PCNX2: variants seen among roughly 807,000 people sequenced by gnomAD.
The protein encoded by PCNX2 is pecanex-like protein 2.
In PCNX2, 168 loss-of-function variants were observed where a neutral mutation model predicts 223.8. The observed-to-expected ratio is 0.75, with a 90% CI of 0.66 to 0.85. The LOEUF (loss-of-function observed/expected upper bound fraction) is 0.85, where lower values mean the gene tolerates loss of function less well. Ranked by LOEUF, PCNX2 falls within the 40% of genes least tolerant of loss-of-function variation. The pLI is 0.00. For missense variants in PCNX2, 2,507 were observed against 2,675.5 expected (o/e 0.94, Z 1.39); for synonymous variants, 1,006 against 1,052.6 (o/e 0.96, Z 0.86).
chr1:233,262,010 A>G (rs376351350), intron 3 of PCNX2, 35 bp downstream of exon 3: 3 of 1,612,068 alleles, frequency 1.9e-6, no homozygotes, highest in African/African-American at 2.7e-5. Flanking sequence ...TCGAAATCAC[A>G]TGAAGAGGGT....
intron 13 of PCNX2, among the ~76,000 whole-genome samples, chr1:233,203,408 T>C (rs908485608): frequency 5.3e-5 from 8 of 152,180 alleles, no homozygotes; most frequent in Admixed American, 4.6e-4. Context: ...ACTTTCACCT[T>C]ATTCCTGGGG....
At chr1:233,112,738 A>T in intron 21 of PCNX2, 1 of 915,220 alleles carries the variant, frequency 1.1e-6, no homozygotes, top group Non-Finnish European at 1.4e-6. Context: ...TCACATATTT[A>T]TTATAGTATA....
intron 19 of PCNX2, among the ~76,000 whole-genome samples, chr1:233,152,704 T>C (rs952029697): frequency 2.6e-5 from 4 of 152,176 alleles, no homozygotes; most frequent in African/African-American, 9.7e-5. Context: ...ATCCAGATTA[T>C]AAAGGGCCAC....
intron 1 of PCNX2, among the ~76,000 whole-genome samples, chr1:233,269,927 T>C (rs1476317449): frequency 2.0e-5 from 3 of 152,212 alleles, no homozygotes; most frequent in Non-Finnish European, 4.4e-5. Flanking sequence ...AACCACAGGT[T>C]CATCCAAAAA....
Position 233,001,987 on chromosome 1 carries a change from A to C in PCNX2, c.4953-306T>G, listed in dbSNP as rs113950304. ...AGAACTGGCCTCACGTGTCCACTCA[A>C]AGTTAGAGTGCTAAAACACAGTTTC... On this transcript the variant is annotated intron_variant, in intron 28 of 33. Transcript: ENST00000258229. This position sits in a 1 kb window ranked among gnomAD's most constrained non-coding sequence, Gnocchi z 4.2. Among the ~76,000 whole-genome samples the C allele has an allele frequency of 5.9e-5, 9 of 152,292 alleles. No homozygotes were observed. The highest frequency in any genetic ancestry group is 1.7e-4 in the African/African-American group (7 of 41,566).
At chr1:233,022,404 A>T (rs1365705917) in intron 26 of PCNX2, among the ~76,000 whole-genome samples, 1 of 152,290 alleles carries the variant, frequency 6.6e-6, no homozygotes, top group Non-Finnish European at 1.5e-5. Flanking sequence ...AAGTTTGCAG[A>T]GCAAGGGGAG....
rs1487794383 is a variant in PCNX2, at chr1:233,232,621, T to C, written c.2358+4224A>G. 3.9e-5 allele frequency among the ~76,000 whole-genome samples: 6 copies of C among 152,354 alleles called. No individual in the cohort carries two copies. The South Asian group carries it at 1.0e-3, about 26-fold the overall frequency. On this transcript the variant is annotated intron_variant, in intron 9 of 33. Transcript: ENST00000258229. ...ATGATGAAAAATAAATGTTACGATA[T>C]TATAATTGATGTCTCCTCTTTTTCA...
At chr1:233,130,747 T>C (rs1676448491) in intron 21 of PCNX2, among the ~76,000 whole-genome samples, 1 of 151,486 alleles carries the variant, frequency 6.6e-6, no homozygotes, top group South Asian at 2.1e-4. Flanking sequence ...CCTCCCAAAG[T>C]TCTGGGATTA....
At chr1:233,035,220 A>C (rs1671412564) in intron 25 of PCNX2, among the ~76,000 whole-genome samples, 2 of 152,212 alleles carry the variant, frequency 1.3e-5, no homozygotes, top group Admixed American at 6.5e-5. Flanking sequence ...AACGCACAAC[A>C]CATTTTCAAG....
At chr1:233,199,393 G>C (rs1436726752) in intron 14 of PCNX2, among the ~76,000 whole-genome samples, 1 of 152,054 alleles carries the variant, frequency 6.6e-6, no homozygotes, top group Non-Finnish European at 1.5e-5. Flanking sequence ...GAAGGAGGGA[G>C]AAGGCAGGAG....
intron 21 of PCNX2, among the ~76,000 whole-genome samples, chr1:233,134,627 TAAG>T (rs1676703082): frequency 6.7e-6 from 1 of 148,474 alleles, no homozygotes; most frequent in Non-Finnish European, 1.5e-5. Flanking sequence ...GGAAGGAAGG[TAAG>T]AAGGGAGGGA....
intron 23 of PCNX2, among the ~76,000 whole-genome samples, chr1:233,082,148 T>C (rs1475649102): frequency 1.3e-5 from 2 of 152,306 alleles, no homozygotes; most frequent in East Asian, 3.9e-4. Flanking sequence ...TTAACTTCCT[T>C]GAGTTTCTTT....
intron 7 of PCNX2, among the ~76,000 whole-genome samples, chr1:233,252,080 G>C (rs1314881581): frequency 6.6e-6 from 1 of 152,218 alleles, no homozygotes; most frequent in African/African-American, 2.4e-5. Flanking sequence ...TGATGAAACT[G>C]ATTAAGTCTG....
At chr1:233,151,044 A>G (rs910826140) in intron 19 of PCNX2, among the ~76,000 whole-genome samples, 1 of 108,352 alleles carries the variant, frequency 9.2e-6, no homozygotes, top group African/African-American at 2.8e-5. Flanking sequence ...TAGAATAACC[A>G]TCTTGCCAAG....
chr1:233,129,440 C>T lies in PCNX2; in HGVS notation c.3837+5573G>A, dbSNP rs555684486. 3.9e-5 allele frequency among the ~76,000 whole-genome samples: 6 copies of T among 152,356 alleles called. No homozygotes were observed. The East Asian group carries it at 5.8e-4, about 15-fold the overall frequency. ...TGGCAGCCCAAGCCTCCCCGAAGAG[C>T]GCTGCCCCCTTGCTCCACGGCACCA... On this transcript the variant is annotated intron_variant, in intron 21 of 33. Coordinates refer to ENST00000258229, the MANE Select transcript of PCNX2 (RefSeq NM_014801.4).
intron 31 of PCNX2, among the ~76,000 whole-genome samples, chr1:232,998,830 G>A (rs1669967130): frequency 6.6e-6 from 1 of 152,216 alleles, no homozygotes; most frequent in Admixed American, 6.5e-5. Flanking sequence ...AATGGTTACT[G>A]CTAAAGACTC....
chr1:233,142,354 C>A (rs1677180174), intron 19 of PCNX2, among the ~76,000 whole-genome samples: 1 of 152,186 alleles, frequency 6.6e-6, no homozygotes, highest in Non-Finnish European at 1.5e-5. Flanking sequence ...AAAATAAAGT[C>A]TATGAGGTAC....
intron 19 of PCNX2, among the ~76,000 whole-genome samples, chr1:233,152,657 T>C (rs1001231118): frequency 2.6e-5 from 4 of 152,102 alleles, no homozygotes; most frequent in Non-Finnish European, 2.9e-5. Context: ...CTATGACCTA[T>C]TGATGAAAAT....
At chr1:233,052,394 TC>T (rs1016977499) in intron 25 of PCNX2, among the ~76,000 whole-genome samples, 45 of 152,280 alleles carry the variant, frequency 3.0e-4, no homozygotes, top group African/African-American at 1.0e-3. Context: ...TGCTCACCTT[TC>T]TAGCATTACC....
Sources: gnomAD v4.1 joint callset for allele counts (sites outside exome capture counted in the v4.1 genomes callset) on GRCh38, gnomAD v4.1.1 for gene constraint, Gnocchi (gnomAD v3.1) non-coding constraint, MANE v1.5 for transcripts, NCBI Gene and HGNC (gene_info 2026-07-23, HGNC 2026-07-21) for gene names.